The following NXT2 variants were observed in gnomAD, a reference collection of about 807,000 sequenced individuals.
NXT2 encodes the protein NTF2-related export protein 2.
A neutral mutation model predicts 9.6 loss-of-function variants in NXT2; 1 was observed. The ratio of observed to expected loss-of-function variants is 0.10; its 90% CI spans 0.04 to 0.49. The LOEUF (loss-of-function observed/expected upper bound fraction) is 0.49. Among genes scored for constraint, NXT2 ranks in the 20% least tolerant of loss-of-function variants. The probability of loss-of-function intolerance (pLI) is 0.95; values close to 1 mark genes in which losing one functional copy is unlikely to be tolerated. For missense variants in NXT2, 48 were observed against 100.3 expected, an observed-to-expected ratio of 0.48 and a Z score of 2.23; for synonymous variants, 22 against 35.4, an observed-to-expected ratio of 0.62 and a Z score of 1.34.
At chrX:109,537,182 C>T (rs891114919) in intron 1 of NXT2, 161 bp downstream of exon 1, 3 of 1,051,981 alleles carry the variant, frequency 2.9e-6, no homozygotes, top group African/African-American at 1.9e-5. Flanking sequence ...GCCCGCCCTG[C>T]CGGCCCCACC....
At chrX:109,536,250 A>G (rs1569391881), upstream of NXT2, among the ~76,000 whole-genome samples, 1 of 112,559 alleles carries the variant, frequency 8.9e-6, no homozygotes, top group East Asian at 2.8e-4. Context: ...ACATATAGTC[A>G]GCACTCGACA....
intron 3 of NXT2, 64 bp downstream of exon 3, chrX:109,541,683 C>G: frequency 2.2e-6 from 2 of 910,612 alleles, no homozygotes; most frequent in Non-Finnish European, 3.0e-6. Flanking sequence ...AGCTTTTACA[C>G]CAAAAGCAGC....
Position 109,538,026 on chromosome X carries a change from TC to T in NXT2, c.16-18del. On this transcript the variant is annotated intron_variant, in intron 1 of 3. Coordinates refer to ENST00000372106, the MANE Select transcript of NXT2 (RefSeq NM_001242617.2). ...GTTGAAAAGGTTGGTAATCTATACT[TC>T]TGGAATTTTTCTTGTAGGATTTTAA... is the stretch of plus-strand genomic sequence containing the variant. 9.0e-7 allele frequency: 1 copy of T among 1,106,829 alleles called. No homozygotes were observed. The highest frequency in any genetic ancestry group is 1.8e-5 in the African/African-American group (1 of 55,692). The allele number at this position is 1,106,829 out of a possible 1,213,427, so 91.2% of individuals were successfully genotyped here.
In NXT2 at chrX:109,536,898, C is replaced by T. The variant is rs1217805234; in HGVS notation, c.-109C>T. 19 of 1,193,103 alleles carry T rather than the reference C, an allele frequency of 1.6e-5. No homozygotes were observed. Among genetic ancestry groups the T allele is most frequent in the Non-Finnish European group, 2.1e-5 (19 of 885,641 alleles). ...AGGGTGGAAAATTTTGTGCGTTTGG[C>T]GGGTTTCGCTCTCTTCATAAGTATT... On this transcript the variant is annotated 5_prime_UTR_variant, in exon 1 of 4. Coordinates refer to ENST00000372106, the MANE Select transcript of NXT2 (RefSeq NM_001242617.2).
At position 109,542,806 on chromosome X, in the gene NXT2, C is replaced by T. The variant is rs1933448540; in HGVS notation, c.*118C>T. 1 of 568,301 alleles carries T rather than the reference C, an allele frequency of 1.8e-6. No individual in the cohort carries two copies. Among genetic ancestry groups the T allele is most frequent in the East Asian group, 3.7e-5 (1 of 27,324 alleles). 46.8% of individuals were successfully genotyped at this position (568,301 alleles called of 1,213,427 possible). A position where few individuals can be genotyped will look rare whatever the true frequency, so the allele number is the denominator to read the frequency against. On this transcript the variant is annotated 3_prime_UTR_variant, in exon 4 of 4. Transcript: ENST00000372106. ...TGAAACTAAATTTCTTTAATATTTT[C>T]TATTCCTGTCAGCACCTTTTCTAGC...
In NXT2 at chrX:109,536,885, T is replaced by C; in HGVS notation, c.-122T>C. On this transcript the variant is annotated 5_prime_UTR_variant, in exon 1 of 4. Coordinates refer to ENST00000372106, the MANE Select transcript of NXT2 (RefSeq NM_001242617.2). ...GGGAGAGAATGGGAGGGTGGAAAAT[T>C]TTGTGCGTTTGGCGGGTTTCGCTCT... The C allele has an allele frequency of 8.4e-7, 1 of 1,187,394 alleles. No homozygotes were observed.
chrX:109,539,423 G>C (rs1198856644), intron 2 of NXT2, among the ~76,000 whole-genome samples: 1 of 110,532 alleles, frequency 9.0e-6, no homozygotes, highest in Non-Finnish European at 1.9e-5. Context: ...GGTATTTCTG[G>C]TTCTAGTTCC....
chrX:109,541,690 C>A, intron 3 of NXT2, 71 bp downstream of exon 3: 1 of 867,411 alleles, frequency 1.2e-6, no homozygotes, highest in Non-Finnish European at 1.6e-6. Flanking sequence ...ACACCAAAAG[C>A]AGCGAGAAAC....
intron 2 of NXT2, among the ~76,000 whole-genome samples, chrX:109,539,644 A>G (rs1421255418): frequency 3.6e-5 from 4 of 109,634 alleles, no homozygotes; most frequent in African/African-American, 6.7e-5. Context: ...GGATTTTTTC[A>G]TATGTTTGCT....
intron 2 of NXT2, 53 bp from the exon 3 acceptor site, chrX:109,541,422 G>A: frequency 5.7e-6 from 6 of 1,048,119 alleles, no homozygotes; most frequent in Non-Finnish European, 7.8e-6. Context: ...TCTATAAAAT[G>A]TTTATCTAGA....
Position 109,542,618 on chromosome X carries a change from C to G in NXT2, c.359C>G (p.Ser120Cys). ...CAGAACTTCCTGCTGACTGCTCAGT[C>G]CACTCCCAACAATACTGTGTGGAAG... ...FNQNFLLTAQ[S>C]TPNNTVWKIA... Residue 120 changes from serine to cysteine, a missense_variant, in exon 4 of 4, where the codon TCC becomes TGC. Ser to Cys is a moderately radical substitution (Grantham distance 112, BLOSUM62 -1). Transcript: ENST00000372106. 8.3e-7 allele frequency: 1 copy of G among 1,207,042 alleles called. No individual in the cohort carries two copies. The highest frequency in any genetic ancestry group is 1.1e-6 in the Non-Finnish European group (1 of 892,617).
At chrX:109,542,426 A>G (rs1428769206) in intron 3 of NXT2, 81 bp from the exon 4 acceptor site, 5 of 886,669 alleles carry the variant, frequency 5.6e-6, no homozygotes, top group South Asian at 2.9e-5. Context: ...TAGTCCATAA[A>G]CAATGTATTT....
chrX:109,539,676 G>C (rs888776723), intron 2 of NXT2, among the ~76,000 whole-genome samples: 1 of 110,846 alleles, frequency 9.0e-6, no homozygotes, highest in African/African-American at 3.3e-5. Context: ...CTTTTGAGAA[G>C]TGTCTGTTCA....
Position 109,540,262 on chromosome X carries a change from GA to G in NXT2, c.103-1204del, listed in dbSNP as rs199887174. On this transcript the variant is annotated intron_variant, in intron 2 of 3. Coordinates refer to ENST00000372106, the MANE Select transcript of NXT2 (RefSeq NM_001242617.2). The stretch of plus-strand genomic sequence containing the variant: ...CTTACTGCTTTCAAAAAATAAAGTA[GA>G]AAAAAAAAGACAACATTGTTTATTA... 6.9e-3 allele frequency among the ~76,000 whole-genome samples: 742 copies of G among 108,148 alleles called. 2 individuals carry two copies. The highest frequency in any genetic ancestry group is 9.2e-3 in the Non-Finnish European group (479 of 51,905). 93.9% of individuals were successfully genotyped at this position (108,148 alleles called of 115,157 possible).
At chrX:109,539,829 T>A (rs1933373861) in intron 2 of NXT2, among the ~76,000 whole-genome samples, 1 of 112,543 alleles carries the variant, frequency 8.9e-6, no homozygotes, top group South Asian at 3.6e-4. Context: ...TCTTTTGCTG[T>A]GCAGAAGCTG....
chrX:109,538,796 C>A (rs1933346807), intron 2 of NXT2, among the ~76,000 whole-genome samples: 1 of 111,470 alleles, frequency 9.0e-6, no homozygotes, highest in African/African-American at 3.3e-5. Context: ...AGAACTACTT[C>A]TGTCCTGCAG....
intron 2 of NXT2, among the ~76,000 whole-genome samples, chrX:109,538,852 A>C (rs1377210521): frequency 9.0e-6 from 1 of 111,390 alleles, no homozygotes; most frequent in Non-Finnish European, 1.9e-5. Context: ...TTTTTATATA[A>C]AACCCATTTA....
upstream of NXT2, among the ~76,000 whole-genome samples, chrX:109,536,400 C>A (rs527814601): frequency 1.8e-5 from 2 of 112,667 alleles, no homozygotes; most frequent in East Asian, 5.6e-4. Context: ...TTTTCCTGTT[C>A]AATGTGGCTG....
chrX:109,535,920 GAGA>G, upstream of NXT2: 1 of 1,207,850 alleles, frequency 8.3e-7, no homozygotes, highest in Non-Finnish European at 1.1e-6. Flanking sequence ...CAGGGAGACA[GAGA>G]AGGATACCAA....
Sources: allele counts gnomAD v4.1 joint callset (sites outside exome capture counted in the v4.1 genomes callset), GRCh38; gene constraint gnomAD v4.1.1; transcripts MANE v1.5; gene names NCBI Gene and HGNC (gene_info 2026-07-23, HGNC 2026-07-21).